DCC: variants seen among roughly 807,000 people sequenced by gnomAD.
DCC encodes DCC netrin 1 receptor.
Under a neutral mutation model 172.5 loss-of-function variants are expected in DCC, and 58 were observed. The observed-to-expected ratio is 0.34, with a 90% CI of 0.27 to 0.42. The LOEUF (loss-of-function observed/expected upper bound fraction) is 0.42. Among genes scored for constraint, DCC ranks in the 10% least tolerant of loss-of-function variants. The pLI, the probability that DCC is intolerant of heterozygous loss-of-function variation, is 1.00. For synonymous variants in DCC, 709 were observed against 644.5 expected, an observed-to-expected ratio of 1.10 and a Z score of -1.52; for missense variants, 1,740 against 1,791.0, an observed-to-expected ratio of 0.97 and a Z score of 0.51.
At chr18:53,157,850 A>G (rs756997609) in intron 8 of DCC, among the ~76,000 whole-genome samples, 2 of 152,230 alleles carry the variant, frequency 1.3e-5, no homozygotes, top group Non-Finnish European at 2.9e-5. Context: ...GCTAGCTTGT[A>G]ATCCCATTTC....
At chr18:52,836,225 G>A (rs983212925) in intron 2 of DCC, among the ~76,000 whole-genome samples, 1 of 152,164 alleles carries the variant, frequency 6.6e-6, no homozygotes, top group Non-Finnish European at 1.5e-5. Context: ...ACTACAAGAT[G>A]AGATTTGCAT....
At chr18:53,045,171 C>T (rs1015465475) in intron 5 of DCC, among the ~76,000 whole-genome samples, 1 of 151,776 alleles carries the variant, frequency 6.6e-6, no homozygotes, top group Non-Finnish European at 1.5e-5. Flanking sequence ...TACAATTATG[C>T]AAATACTTTA....
At chr18:52,579,411 C>G (rs1038409324) in intron 1 of DCC, among the ~76,000 whole-genome samples, 2 of 152,146 alleles carry the variant, frequency 1.3e-5, no homozygotes, top group African/African-American at 4.8e-5. Context: ...ATGATTTGCC[C>G]TAAATGGCAC....
At chr18:53,362,259 G>A (rs1193455668) in intron 15 of DCC, among the ~76,000 whole-genome samples, 1 of 152,110 alleles carries the variant, frequency 6.6e-6, no homozygotes, top group African/African-American at 2.4e-5. Context: ...CAAAAGCATG[G>A]ATAAATATTT....
intron 5 of DCC, among the ~76,000 whole-genome samples, chr18:53,037,312 A>G (rs184061021): frequency 9.7e-4 from 147 of 152,168 alleles, no homozygotes; most frequent in African/African-American, 3.5e-3. Flanking sequence ...AGATAGCTTA[A>G]AGGGAAACAA....
chr18:52,368,451 G>GA (rs74178665), intron 1 of DCC, among the ~76,000 whole-genome samples: 1 of 152,172 alleles, frequency 6.6e-6, no homozygotes, highest in Non-Finnish European at 1.5e-5. Context: ...TCCACCCTGA[G>GA]AAAAAATAGC....
chr18:53,486,144 A>C (rs900282627), intron 25 of DCC, among the ~76,000 whole-genome samples: 1 of 152,138 alleles, frequency 6.6e-6, no homozygotes, highest in Non-Finnish European at 1.5e-5. Flanking sequence ...CTAAACCTAG[A>C]AGATATTTTG....
At chr18:52,383,781 A>G (rs1985684046) in intron 1 of DCC, among the ~76,000 whole-genome samples, 2 of 151,978 alleles carry the variant, frequency 1.3e-5, no homozygotes, top group African/African-American at 4.8e-5. Flanking sequence ...GGTGTATGAT[A>G]TAACAACATT....
intron 5 of DCC, among the ~76,000 whole-genome samples, chr18:53,013,698 TAAAAAAA>T (rs772056355): frequency 3.7e-5 from 5 of 135,984 alleles, no homozygotes; most frequent in Non-Finnish European, 8.0e-5. Context: ...TCCCAGAACT[TAAAAAAA>T]AAAAAAAAAA....
intron 2 of DCC, among the ~76,000 whole-genome samples, chr18:52,804,180 A>G (rs1263338200): frequency 1.3e-5 from 2 of 152,208 alleles, no homozygotes; most frequent in South Asian, 2.1e-4. Context: ...CATTAAATGT[A>G]TTTATATCTT....
chr18:53,255,654 G>A (rs1159029707), intron 12 of DCC, among the ~76,000 whole-genome samples: 2 of 151,992 alleles, frequency 1.3e-5, no homozygotes, highest in Non-Finnish European at 2.9e-5. Context: ...TTGCTATTGG[G>A]AATAGTGCCG....
intron 1 of DCC, among the ~76,000 whole-genome samples, chr18:52,389,700 A>C (rs568089924): frequency 5.9e-5 from 9 of 152,266 alleles, no homozygotes; most frequent in Admixed American, 5.9e-4. Context: ...AATTTAGCAG[A>C]AGCTAAATAA....
chr18:52,600,955 G>T (rs1453949323), intron 1 of DCC, among the ~76,000 whole-genome samples: 3 of 152,062 alleles, frequency 2.0e-5, no homozygotes, highest in Admixed American at 1.3e-4. Flanking sequence ...ATAGTGCCAA[G>T]ATTATGAAAC....
chr18:53,032,331 T>C (rs949123973), intron 5 of DCC, among the ~76,000 whole-genome samples: 5 of 152,110 alleles, frequency 3.3e-5, no homozygotes, highest in Admixed American at 6.6e-5. Flanking sequence ...TTCTGGAAAA[T>C]AGGTAGACCA....
chr18:53,310,919 TTAC>T, intron 13 of DCC, among the ~76,000 whole-genome samples: 1 of 151,762 alleles, frequency 6.6e-6, no homozygotes, highest in Non-Finnish European at 1.5e-5. Flanking sequence ...ACTGAATTTT[TTAC>T]AGCTATGAAA....
chr18:52,483,370 A>C (rs2030051398), intron 1 of DCC, among the ~76,000 whole-genome samples: 1 of 152,114 alleles, frequency 6.6e-6, no homozygotes, highest in Non-Finnish European at 1.5e-5. Context: ...ATTATACTTC[A>C]GAGAAAGTAG....
chr18:53,424,376 GA>G (rs1468363371), intron 21 of DCC, among the ~76,000 whole-genome samples: 7 of 152,166 alleles, frequency 4.6e-5, no homozygotes, highest in African/African-American at 1.7e-4. Context: ...ACATTAGAAG[GA>G]AATGGTCCTG....
intron 2 of DCC, among the ~76,000 whole-genome samples, chr18:52,869,653 C>T (rs1200516828): frequency 6.6e-6 from 1 of 152,198 alleles, no homozygotes; most frequent in Admixed American, 6.5e-5. Context: ...CAGGCCAGCA[C>T]CGAGCTGCCC....
At chr18:53,455,518 C>T (rs1331150782) in intron 23 of DCC, among the ~76,000 whole-genome samples, 1 of 152,096 alleles carries the variant, frequency 6.6e-6, no homozygotes, top group Non-Finnish European at 1.5e-5. Flanking sequence ...AATGGGTAAA[C>T]CAGTACAGAA....
Sources: allele counts gnomAD v4.1 joint callset (sites outside exome capture counted in the v4.1 genomes callset), GRCh38; gene constraint gnomAD v4.1.1; transcripts MANE v1.5; gene names NCBI Gene and HGNC (gene_info 2026-07-23, HGNC 2026-07-21).